Variants in MYRIP observed in about 807,000 individuals in gnomAD.
MYRIP encodes the protein rab effector MyRIP.
Under a neutral mutation model 98.0 loss-of-function variants are expected in MYRIP, and 49 were observed. That is an observed-to-expected ratio of 0.50 (90% confidence interval 0.40 to 0.63). MYRIP has a LOEUF of 0.63. Ranked by LOEUF, MYRIP falls within the 30% of genes least tolerant of loss-of-function variation. The pLI is 0.00. For synonymous variants in MYRIP, 404 were observed against 409.5 expected (o/e 0.99, Z 0.16); for missense variants, 1,004 against 1,058.2 (o/e 0.95, Z 0.71).
At chr3:40,066,665 A>G (rs1040754547) in intron 3 of MYRIP, among the ~76,000 whole-genome samples, 1 of 152,176 alleles carries the variant, frequency 6.6e-6, no homozygotes, top group African/African-American at 2.4e-5. Flanking sequence ...CCTAAAATTT[A>G]CTCAATGGAC....
intron 10 of MYRIP, 45 bp downstream of exon 10, chr3:40,190,508 A>G: frequency 6.5e-7 from 1 of 1,536,324 alleles, no homozygotes; most frequent in Non-Finnish European, 8.8e-7. Flanking sequence ...CTCTTTAGGT[A>G]GGATGTGCCC....
At chr3:40,201,740 T>G in intron 10 of MYRIP, among the ~76,000 whole-genome samples, 1 of 152,216 alleles carries the variant, frequency 6.6e-6, no homozygotes, top group East Asian at 1.9e-4. Context: ...TGTGTGACAC[T>G]GACCAAGGGT....
chr3:39,867,745 C>T (rs1165237919), intron 1 of MYRIP, among the ~76,000 whole-genome samples: 1 of 152,150 alleles, frequency 6.6e-6, no homozygotes, highest in Non-Finnish European at 1.5e-5. Context: ...TTGGCAGCTC[C>T]TTAAAAAATT....
At chr3:39,901,553 C>T (rs1943743836) in intron 2 of MYRIP, among the ~76,000 whole-genome samples, 1 of 152,042 alleles carries the variant, frequency 6.6e-6, no homozygotes, top group Admixed American at 6.5e-5. Context: ...TGGAAGAAGT[C>T]AGAGTGATAG....
intron 1 of MYRIP, among the ~76,000 whole-genome samples, chr3:39,840,430 C>T (rs940081010): frequency 2.0e-5 from 3 of 152,104 alleles, no homozygotes; most frequent in Admixed American, 6.6e-5. Context: ...TCCAGTTTGC[C>T]AGTCTGTGTT....
At chr3:39,857,575 G>C (rs1942343687) in intron 1 of MYRIP, among the ~76,000 whole-genome samples, 1 of 152,068 alleles carries the variant, frequency 6.6e-6, no homozygotes. Context: ...AAGAATGAAA[G>C]AGTGAAGGAA....
chr3:40,255,850 T>A (rs189838540), intron 16 of MYRIP, among the ~76,000 whole-genome samples: 2 of 152,350 alleles, frequency 1.3e-5, no homozygotes, highest in African/African-American at 4.8e-5. Flanking sequence ...GCTTTATAGA[T>A]CATTCACTGT....
rs374697001 is a variant in MYRIP at position 40,189,984 on chromosome 3, G to T, written c.1186G>T (p.Asp396Tyr). The T allele has an allele frequency of 6.2e-7, 1 of 1,614,010 alleles. No individual in the cohort carries two copies. Among genetic ancestry groups the T allele is most frequent in the African/African-American group, 1.3e-5 (1 of 74,920 alleles). Residue 396 changes from aspartate to tyrosine, a missense_variant, in exon 10 of 17, where the codon GAT becomes TAT. This residue lies in a region of MYRIP where 880 missense variants were observed against 907.7 expected (regional missense o/e 0.97). Transcript: ENST00000302541. ...VASAYDEMGSDSEEDFDWSEA... is the reference protein window; with the variant it reads ...VASAYDEMGSYSEEDFDWSEA... ...ATCTGCCTACGATGAGATGGGCTCC[G>T]ATAGCGAGGAAGACTTTGACTGGAG...
At chr3:40,204,200 T>G (rs1434058741) in intron 10 of MYRIP, among the ~76,000 whole-genome samples, 1 of 32,108 alleles carries the variant, frequency 3.1e-5, no homozygotes, top group African/African-American at 9.3e-5. Flanking sequence ...AAATATTATA[T>G]TATATATTTA....
chr3:39,984,239 G>C (rs1368408207), intron 2 of MYRIP, among the ~76,000 whole-genome samples: 1 of 101,492 alleles, frequency 9.9e-6, no homozygotes, highest in Non-Finnish European at 2.2e-5. Context: ...TTTATTTATT[G>C]TTATACTTTA....
chr3:39,833,767 T>C (rs1027289197), intron 1 of MYRIP, among the ~76,000 whole-genome samples: 1 of 152,202 alleles, frequency 6.6e-6, no homozygotes, highest in Non-Finnish European at 1.5e-5. Flanking sequence ...ACGCCTGTAA[T>C]CCCAGCACTT....
At chr3:39,878,952 G>A (rs1276728553) in intron 1 of MYRIP, among the ~76,000 whole-genome samples, 1 of 151,608 alleles carries the variant, frequency 6.6e-6, no homozygotes, top group African/African-American at 2.4e-5. Flanking sequence ...TGTAGTCCCA[G>A]CTACTTGGGA....
intron 8 of MYRIP, chr3:40,174,435 C>T (rs924077804): frequency 6.6e-5 from 10 of 152,222 alleles, no homozygotes; most frequent in African/African-American, 2.4e-4. Context: ...TACTTATACT[C>T]CTGGGGAGCT....
chr3:39,955,077 T>G (rs1559535230), intron 2 of MYRIP, among the ~76,000 whole-genome samples: 2 of 152,016 alleles, frequency 1.3e-5, no homozygotes, highest in Non-Finnish European at 2.9e-5. Context: ...ACGGGGAGAA[T>G]GAAACCAAGT....
chr3:40,155,148 C>T (rs560428979), intron 4 of MYRIP, among the ~76,000 whole-genome samples: 1 of 128,746 alleles, frequency 7.8e-6, no homozygotes, highest in Non-Finnish European at 1.6e-5. Context: ...ACCCTCCCCC[C>T]ACCCCACAAC....
chr3:40,210,108 G>C lies in MYRIP; in HGVS notation c.1905+15G>C. 1 of 1,612,056 alleles carries C rather than the reference G, an allele frequency of 6.2e-7. No individual in the cohort carries two copies. The highest frequency in any genetic ancestry group is 8.5e-7 in the Non-Finnish European group (1 of 1,179,240). ...AGCTGAAGAAGGTAAGGGCTGTGAA[G>C]CCACCTGCAGACAGCTCAAGCTTCT... is the stretch of plus-strand genomic sequence containing the variant. On this transcript the variant is annotated intron_variant, in intron 11 of 16. Coordinates refer to ENST00000302541, the MANE Select transcript of MYRIP (RefSeq NM_015460.4).
chr3:40,162,544 G>T (rs969563864), intron 4 of MYRIP, among the ~76,000 whole-genome samples, 186 bp from the exon 5 acceptor site: 13 of 152,148 alleles, frequency 8.5e-5, no homozygotes, highest in Non-Finnish European at 1.5e-4. Flanking sequence ...AGTGTGAGAA[G>T]AAAAAAGCAA....
chr3:39,948,855 T>G (rs1352622512), intron 2 of MYRIP, among the ~76,000 whole-genome samples: 2 of 152,156 alleles, frequency 1.3e-5, no homozygotes, highest in Non-Finnish European at 2.9e-5. Flanking sequence ...AGACTACTCT[T>G]AGTGAAGCTG....
At chr3:40,139,309 G>A (rs868599141) in intron 3 of MYRIP, among the ~76,000 whole-genome samples, 1 of 152,004 alleles carries the variant, frequency 6.6e-6, no homozygotes, top group Non-Finnish European at 1.5e-5. Flanking sequence ...ACAGTTCAAC[G>A]GGTTTTGACA....
Sources: gnomAD v4.1 joint callset for allele counts (sites outside exome capture counted in the v4.1 genomes callset) on GRCh38, gnomAD v4.1.1 for gene constraint, gnomAD v4.1.1 regional missense constraint, MANE v1.5 for transcripts, NCBI Gene and HGNC (gene_info 2026-07-23, HGNC 2026-07-21) for gene names.